The following DNMBP variants were observed in gnomAD, a reference collection of about 807,000 sequenced individuals.
DNMBP encodes dynamin-binding protein.
Under a neutral mutation model 150.0 loss-of-function variants are expected in DNMBP, and 87 were observed. The observed-to-expected ratio is 0.58, with a 90% CI of 0.49 to 0.69. DNMBP has a LOEUF of 0.69. DNMBP is among the 30% of genes least tolerant of loss of function. The pLI, the probability that DNMBP is intolerant of heterozygous loss-of-function variation, is 0.00. For missense variants in DNMBP, 1,774 were observed against 1,949.0 expected, an observed-to-expected ratio of 0.91 and a Z score of 1.69; for synonymous variants, 711 against 750.4, an observed-to-expected ratio of 0.95 and a Z score of 0.86.
chr10:99,990,704 TATATACACAC>T (rs1472937060), intron 1 of DNMBP, among the ~76,000 whole-genome samples: 4 of 150,908 alleles, frequency 2.7e-5, no homozygotes, highest in Admixed American at 6.6e-5. Context: ...TACACACACA[TATATACACAC>T]ATATACACAC....
rs549141280 is a variant in DNMBP, at chr10:99,877,190, G to A, written c.4695C>T (p.Tyr1565=). Reference sequence around the variant, plus strand: ...TTTTGCGGATATAATTGGAGGGAACGTAGCCCTTCTTCCCGTTAACCTCAG... The same window carrying A: ...TTTTGCGGATATAATTGGAGGGAACATAGCCCTTCTTCCCGTTAACCTCAG... The part of the protein sequence containing the change: ...WLAEVNGKKG[Y]VPSNYIRKTE... The change falls in exon 17 of 17, where the codon TAC becomes TAT. Residue 1565 remains tyrosine (Y), a synonymous_variant. Coordinates refer to ENST00000324109, the MANE Select transcript of DNMBP (RefSeq NM_015221.4). The A allele has an allele frequency of 1.9e-5, 30 of 1,613,478 alleles. No homozygotes were observed. Among genetic ancestry groups the A allele is most frequent in the South Asian group, 1.5e-4 (14 of 90,904 alleles).
chr10:99,996,563 T>C (rs1589454036), intron 1 of DNMBP, among the ~76,000 whole-genome samples: 1 of 152,164 alleles, frequency 6.6e-6, no homozygotes, highest in African/African-American at 2.4e-5. Flanking sequence ...TCATAACTGT[T>C]TTCAACATCT....
chr10:99,941,426 C>T (rs1273590654), intron 4 of DNMBP, among the ~76,000 whole-genome samples: 1 of 151,852 alleles, frequency 6.6e-6, no homozygotes, highest in Non-Finnish European at 1.5e-5. Context: ...TTCCAGTTGC[C>T]TAACCTCAGG....
chr10:99,898,754 T>C lies in DNMBP; in HGVS notation c.2709A>G (p.Leu903=). 6.2e-7 allele frequency: 1 copy of C among 1,613,888 alleles called. No individual in the cohort carries two copies. Among genetic ancestry groups the C allele is most frequent in the Non-Finnish European group, 8.5e-7 (1 of 1,179,846 alleles). ...GCAATGGAACTTACCATTCGTTGTA[T>C]AGGCTCCTGCAAGGCAGTGGGCATG... ...LQDSLADLKS[L]YNEWGCTNYI... Residue 903 remains leucine (L), a synonymous_variant, in exon 8 of 17, where the codon CTA becomes CTG. Transcript: ENST00000324109.
intron 6 of DNMBP, among the ~76,000 whole-genome samples, chr10:99,903,902 T>C (rs1300437837): frequency 2.6e-5 from 4 of 151,916 alleles, no homozygotes; most frequent in Non-Finnish European, 4.4e-5. Context: ...GTCAGCACTG[T>C]TTTGATGAAA....
intron 1 of DNMBP, among the ~76,000 whole-genome samples, chr10:100,009,345 G>C (rs924771356): frequency 1.3e-5 from 2 of 152,226 alleles, no homozygotes; most frequent in Non-Finnish European, 2.9e-5. Context: ...GACCAAAGCT[G>C]CATCTCCAGC....
chr10:99,993,792 G>A (rs1281800786), intron 1 of DNMBP, among the ~76,000 whole-genome samples: 1 of 152,000 alleles, frequency 6.6e-6, no homozygotes, highest in Admixed American at 6.6e-5. Flanking sequence ...AACAAAGCAA[G>A]ACCCTGTCTT....
chr10:99,986,090 A>G (rs532114510), intron 1 of DNMBP, among the ~76,000 whole-genome samples: 16 of 152,174 alleles, frequency 1.1e-4, no homozygotes, highest in Admixed American at 2.0e-4. Flanking sequence ...TTCCCTCTCT[A>G]AGTCACAGAG....
At chr10:99,887,867 C>T (rs899025545) in intron 12 of DNMBP, among the ~76,000 whole-genome samples, 1 of 152,166 alleles carries the variant, frequency 6.6e-6, no homozygotes, top group African/African-American at 2.4e-5. Context: ...TCTTGTTGCC[C>T]AGGCTGGAGT....
At chr10:99,982,832 G>A (rs1230838588) in intron 1 of DNMBP, among the ~76,000 whole-genome samples, 1 of 152,062 alleles carries the variant, frequency 6.6e-6, no homozygotes, top group Non-Finnish European at 1.5e-5. Context: ...AACACCTGTG[G>A]TTCCAGCTAC....
At chr10:99,973,966 C>T (rs569559239) in intron 1 of DNMBP, among the ~76,000 whole-genome samples, 33 of 151,958 alleles carry the variant, frequency 2.2e-4, no homozygotes, top group Non-Finnish European at 3.1e-4. Context: ...GCCTGGGTGA[C>T]GGAGTGAGAC....
intron 13 of DNMBP, 136 bp downstream of exon 13, chr10:99,886,164 T>C (rs1018492599): frequency 6.4e-6 from 5 of 780,752 alleles, no homozygotes; most frequent in Non-Finnish European, 1.0e-5. Flanking sequence ...GGATTAAGAT[T>C]TCCTGAGGGA....
intron 4 of DNMBP, chr10:99,930,003 T>C: frequency 4.3e-6 from 3 of 703,016 alleles, no homozygotes; most frequent in Non-Finnish European, 5.2e-6. Flanking sequence ...ATCCATAATA[T>C]GAGTCTTTGC....
chr10:99,982,193 C>A (rs2040785751), intron 1 of DNMBP, among the ~76,000 whole-genome samples: 3 of 152,136 alleles, frequency 2.0e-5, no homozygotes, highest in Non-Finnish European at 4.4e-5. Context: ...ACCTATAATC[C>A]CAGCACTTTG....
intron 6 of DNMBP, among the ~76,000 whole-genome samples, chr10:99,904,175 A>G (rs1242140403): frequency 6.6e-6 from 1 of 152,086 alleles, no homozygotes; most frequent in African/African-American, 2.4e-5. Flanking sequence ...GGATCGCTTG[A>G]GCCCAGAAGG....
chr10:99,921,864 GAAAAAAAAAAA>G (rs34344466), intron 4 of DNMBP, among the ~76,000 whole-genome samples: 4 of 23,746 alleles, frequency 1.7e-4, no homozygotes, highest in Admixed American at 6.7e-4. Flanking sequence ...GATTCCATCT[GAAAAAAAAAAA>G]AAAAAAAAAA....
At chr10:100,003,506 T>C (rs942710032) in intron 1 of DNMBP, among the ~76,000 whole-genome samples, 4 of 152,190 alleles carry the variant, frequency 2.6e-5, no homozygotes, top group Non-Finnish European at 5.9e-5. Flanking sequence ...TCCAAAATTA[T>C]AAAAATGTCA....
chr10:99,885,336 C>CCAT (rs1273235071), intron 14 of DNMBP, among the ~76,000 whole-genome samples: 1 of 152,100 alleles, frequency 6.6e-6, no homozygotes, highest in Non-Finnish European at 1.5e-5. Context: ...TGGTAAAACC[C>CCAT]CATCTCTACT....
intron 1 of DNMBP, among the ~76,000 whole-genome samples, chr10:99,976,885 T>C (rs1475205285): frequency 6.6e-6 from 1 of 152,188 alleles, no homozygotes; most frequent in Non-Finnish European, 1.5e-5. Context: ...AATTAGATAC[T>C]ATTTTTCTTC....
Sources: gnomAD v4.1 joint callset for allele counts (sites outside exome capture counted in the v4.1 genomes callset) on GRCh38, gnomAD v4.1.1 for gene constraint, MANE v1.5 for transcripts, NCBI Gene and HGNC (gene_info 2026-07-23, HGNC 2026-07-21) for gene names.